The following SRGAP2 variants were observed in gnomAD, a reference collection of about 807,000 sequenced individuals.
SRGAP2 encodes the protein SLIT-ROBO Rho GTPase activating protein 2, also known as SLIT-ROBO Rho GTPase-activating protein 2.
Under a neutral mutation model 57.2 loss-of-function variants are expected in SRGAP2, and 15 were observed. The ratio of observed to expected loss-of-function variants is 0.26; its 90% CI spans 0.18 to 0.40. SRGAP2 has a LOEUF of 0.40. SRGAP2 is among the 10% of genes least tolerant of loss of function. The pLI, the probability that SRGAP2 is intolerant of heterozygous loss-of-function variation, is 1.00. For missense variants in SRGAP2, 520 were observed against 669.6 expected (o/e 0.78, Z 2.47); for synonymous variants, 249 against 248.0 (o/e 1.00, Z -0.04).
At chr1:206,256,349 C>T (rs1571693719) in intron 2 of SRGAP2, among the ~76,000 whole-genome samples, 1 of 152,150 alleles carries the variant, frequency 6.6e-6, no homozygotes, top group Non-Finnish European at 1.5e-5. Flanking sequence ...TGTTCACATA[C>T]CCATCAGGCT....
chr1:206,283,221 G>A (rs1460120130), intron 2 of SRGAP2, among the ~76,000 whole-genome samples: 27 of 151,588 alleles, frequency 1.8e-4, no homozygotes, highest in South Asian at 1.5e-3. Context: ...CTTTTTCCCC[G>A]ATAATGGGCT....
chr1:206,394,764 G>C (rs1657406468), intron 7 of SRGAP2, among the ~76,000 whole-genome samples: 1 of 151,938 alleles, frequency 6.6e-6, no homozygotes, highest in Non-Finnish European at 1.5e-5. Context: ...TCTTGGCCTT[G>C]TTTTTCCTGC....
chr1:206,290,169 A>C (rs1671232456), intron 2 of SRGAP2, among the ~76,000 whole-genome samples: 1 of 152,048 alleles, frequency 6.6e-6, no homozygotes, highest in Non-Finnish European at 1.5e-5. Context: ...ATCAGAGTTC[A>C]TGACTAAGGA....
intron 5 of SRGAP2, among the ~76,000 whole-genome samples, chr1:206,387,246 T>A (rs1398482571): frequency 6.6e-6 from 1 of 150,870 alleles, no homozygotes; most frequent in African/African-American, 2.5e-5. Context: ...TAACTGTCCC[T>A]CTTTGCCTAG....
intron 2 of SRGAP2, among the ~76,000 whole-genome samples, chr1:206,260,803 A>G (rs1216064560): frequency 6.6e-6 from 1 of 152,254 alleles, no homozygotes; most frequent in Non-Finnish European, 1.5e-5. Context: ...GAACAAAGGC[A>G]GCTTTTTAAA....
chr1:206,214,810 A>G (rs1375156049), intron 2 of SRGAP2: 2 of 149,370 alleles, frequency 1.3e-5, no homozygotes, highest in African/African-American at 4.9e-5. Flanking sequence ...AAAAAAAAAA[A>G]GAAAAGAAAG....
intron 22 of SRGAP2, 109 bp downstream of exon 22, chr1:206,459,056 T>A (rs1553379634): frequency 3.2e-6 from 2 of 628,774 alleles, no homozygotes; most frequent in Non-Finnish European, 5.8e-6. Flanking sequence ...ATTTTGTATG[T>A]GATATACTGA....
At chr1:206,438,165 T>C (rs1156777482) in intron 16 of SRGAP2, 67 bp downstream of exon 16, 5 of 752,794 alleles carry the variant, frequency 6.6e-6, no homozygotes, top group African/African-American at 5.1e-5. Context: ...AGAAAAAGTT[T>C]CCACAGGGTC....
intron 10 of SRGAP2, among the ~76,000 whole-genome samples, chr1:206,412,068 C>T (rs1659269450): frequency 6.6e-6 from 1 of 152,006 alleles, no homozygotes; most frequent in Non-Finnish European, 1.5e-5. Context: ...AATGATTTGC[C>T]CAAGGTTAGG....
At chr1:206,319,857 G>A (rs1673347581) in intron 3 of SRGAP2, among the ~76,000 whole-genome samples, 1 of 148,016 alleles carries the variant, frequency 6.8e-6, no homozygotes, top group African/African-American at 2.7e-5. Context: ...TGCCCAGGCT[G>A]GGGTGCAATG....
At chr1:206,243,797 G>GCT (rs1668386226) in intron 2 of SRGAP2, among the ~76,000 whole-genome samples, 1 of 151,058 alleles carries the variant, frequency 6.6e-6, no homozygotes, top group Non-Finnish European at 1.5e-5. Flanking sequence ...AAATAGAGGG[G>GCT]CACCTTGGCT....
intron 2 of SRGAP2, among the ~76,000 whole-genome samples, chr1:206,241,572 G>C (rs537461510): frequency 6.6e-6 from 1 of 151,468 alleles, no homozygotes; most frequent in Admixed American, 6.6e-5. Flanking sequence ...GGGATCAAAT[G>C]TACAGCTAAA....
intron 5 of SRGAP2, among the ~76,000 whole-genome samples, chr1:206,391,613 A>G (rs1305455753): frequency 2.0e-5 from 2 of 101,580 alleles, no homozygotes; most frequent in Non-Finnish European, 3.9e-5. Flanking sequence ...ACACACACAC[A>G]TGCACACACA....
At chr1:206,280,099 G>C (rs1164633676) in intron 2 of SRGAP2, among the ~76,000 whole-genome samples, 3 of 151,922 alleles carry the variant, frequency 2.0e-5, no homozygotes. Flanking sequence ...ATTTCATTTT[G>C]TGTACCTGAT....
In SRGAP2 at chr1:206,398,362, G is replaced by C. The variant is rs1286753013; in HGVS notation, c.832-3059G>C. Among the ~76,000 whole-genome samples, 948 of 150,216 alleles carry C rather than the reference G, an allele frequency of 6.3e-3. 12 individuals are homozygous for C. The highest frequency in any genetic ancestry group is 0.022 in the African/African-American group (911 of 41,166). On this transcript the variant is annotated intron_variant, in intron 7 of 22. Transcript: ENST00000573034. ...GTCAAGACTCTGGAGAACCTCTTCC[G>C]AATCTGCCTGGTTGGCTAGAGGTGT...
chr1:206,425,842 ACTT>A (rs1210854927), intron 13 of SRGAP2, among the ~76,000 whole-genome samples: 20 of 136,020 alleles, frequency 1.5e-4, no homozygotes, highest in Non-Finnish European at 2.4e-4. Flanking sequence ...GCCCAACCTC[ACTT>A]CTTTTTTTTT....
chr1:206,360,666 T>C (rs1553340449), intron 4 of SRGAP2, among the ~76,000 whole-genome samples: 1 of 152,096 alleles, frequency 6.6e-6, no homozygotes, highest in Admixed American at 6.5e-5. Flanking sequence ...AAAATAGCAG[T>C]CGAAGATGAC....
At chr1:206,457,885 C>G (rs970839536) in intron 21 of SRGAP2, among the ~76,000 whole-genome samples, 1 of 152,126 alleles carries the variant, frequency 6.6e-6, no homozygotes, top group African/African-American at 2.4e-5. Flanking sequence ...GATCTGATTC[C>G]AAGACAAAAT....
intron 4 of SRGAP2, among the ~76,000 whole-genome samples, chr1:206,357,582 CTTTTTTTTTTTTTT>C (rs781912077): frequency 6.4e-5 from 5 of 78,052 alleles, no homozygotes; most frequent in African/African-American, 2.8e-4. Context: ...GCTATGTTGT[CTTTTTTTTTTTTTT>C]TTTTTTTTGG....
Sources: gnomAD v4.1 joint callset for allele counts (sites outside exome capture counted in the v4.1 genomes callset) on GRCh38, gnomAD v4.1.1 for gene constraint, MANE v1.5 for transcripts, NCBI Gene and HGNC (gene_info 2026-07-23, HGNC 2026-07-21) for gene names.